BZW1: variants seen among roughly 807,000 people sequenced by gnomAD.
BZW1 encodes basic leucine zipper and W2 domains 1, also known as eIF5-mimic protein 2.
BZW1 carries 3 observed loss-of-function variants against 54.1 expected under a neutral mutation model. That is an observed-to-expected ratio of 0.06 (90% CI 0.03 to 0.14). The LOEUF is 0.14. BZW1 is among the 10% of genes least tolerant of loss of function. The probability of loss-of-function intolerance (pLI) is 1.00; values close to 1 mark genes in which losing one functional copy is unlikely to be tolerated. For synonymous variants in BZW1, 152 were observed against 162.7 expected (o/e 0.93, Z 0.50); for missense variants, 206 against 491.7 (o/e 0.42, Z 5.50).
chr2:200,821,993 C>CG lies in BZW1; in HGVS notation c.1229-151dup, dbSNP rs1255688709. Reference sequence around the variant, plus strand: ...CTGAAGTGGGAGGATCACTTGAACCCGGGAGGCAGAGGTTGCAGTGAGCCA... The same window carrying CG: ...CTGAAGTGGGAGGATCACTTGAACCCGGGGAGGCAGAGGTTGCAGTGAGCCA... On this transcript the variant is annotated intron_variant, in intron 11 of 11. Transcript: ENST00000409600. 2.6e-5 allele frequency among the ~76,000 whole-genome samples: 4 copies of CG among 152,072 alleles called. No individual in the cohort carries two copies. In the South Asian group the frequency reaches 6.2e-4, roughly 24 times the overall value.
intron 8 of BZW1, 32 bp downstream of exon 8, chr2:200,818,425 C>T (rs377260584): frequency 1.9e-5 from 30 of 1,587,932 alleles, no homozygotes; most frequent in Non-Finnish European, 2.6e-5. Context: ...CTTTTTATGG[C>T]TAAGCTTCTG....
At chr2:200,813,605 A>G (rs1375383158) in intron 2 of BZW1, among the ~76,000 whole-genome samples, 2 of 152,228 alleles carry the variant, frequency 1.3e-5, no homozygotes, top group Non-Finnish European at 2.9e-5. Flanking sequence ...TTAAATGAGC[A>G]AAAATGTTAA....
chr2:200,824,729 T>G lies in BZW1; in HGVS notation c.*2551T>G, dbSNP rs2038646380. On this transcript the variant is annotated 3_prime_UTR_variant, in exon 12 of 12. Transcript: ENST00000409600. ...GCTCTGTCACCAGGCTGGAGTGCAGTGGCGCGATCTTGGCTCACTGCAAGT... is the reference window on the plus strand; with the variant it reads ...GCTCTGTCACCAGGCTGGAGTGCAGGGGCGCGATCTTGGCTCACTGCAAGT... 1 of 148,700 alleles carries G rather than the reference T, an allele frequency of 6.7e-6. No individual in the cohort carries two copies. Among genetic ancestry groups the G allele is most frequent in the Admixed American group, 6.8e-5 (1 of 14,732 alleles). 9.2% of individuals were successfully genotyped at this position (148,700 alleles called of 1,614,324 possible).
Position 200,826,407 on chromosome 2 carries a change from A to AGATAGATAGATAGATATT in BZW1, c.*4229_*4230insGATAGATAGATAGATATT, listed in dbSNP as rs1559318394. ...TAGATAGATAGATAGATAGATAGATATTTTTTTTTTTTTTTTTTTTTTTTT... is the reference window on the plus strand; with the variant it reads ...TAGATAGATAGATAGATAGATAGATAGATAGATAGATAGATATTTTTTTTTTTTTTTTTTTTTTTTTTT... On this transcript the variant is annotated 3_prime_UTR_variant, in exon 12 of 12. Transcript: ENST00000409600. 11 of 54,938 alleles carry AGATAGATAGATAGATATT rather than the reference A, an allele frequency of 2.0e-4. No individual in the cohort carries two copies. The highest frequency in any genetic ancestry group is 2.3e-4 in the Admixed American group (1 of 4,278). 3.4% of individuals were successfully genotyped at this position (54,938 alleles called of 1,614,324 possible). A position where few individuals can be genotyped will look rare whatever the true frequency, so the allele number is the denominator to read the frequency against.
chr2:200,813,480 T>C, intron 2 of BZW1, 199 bp downstream of exon 2: 1 of 505,920 alleles, frequency 2.0e-6, no homozygotes, highest in East Asian at 3.3e-5. Flanking sequence ...ATTTTTAGTA[T>C]CAATATATCT....
At chr2:200,819,242 T>A (rs984903660) in intron 9 of BZW1, 1 of 223,028 alleles carries the variant, frequency 4.5e-6, no homozygotes, top group Non-Finnish European at 8.8e-6. Flanking sequence ...TCACAAAAAA[T>A]AGCCAGTCGT....
intron 7 of BZW1, 38 bp from the exon 8 acceptor site, chr2:200,818,185 A>G: frequency 6.6e-7 from 1 of 1,525,272 alleles, no homozygotes; most frequent in Non-Finnish European, 8.8e-7. Flanking sequence ...TCTTAATCTG[A>G]TTTAAAGAAA....
chr2:200,821,385 T>TC, intron 11 of BZW1, 80 bp downstream of exon 11: 1 of 1,539,096 alleles, frequency 6.5e-7, no homozygotes, highest in South Asian at 1.2e-5. Flanking sequence ...CATGCTTCCT[T>TC]CTTTCTGATG....
chr2:200,815,305 T>C lies in BZW1; in HGVS notation c.65-36T>C, dbSNP rs773042803. 26 of 1,556,280 alleles carry C rather than the reference T, an allele frequency of 1.7e-5. No homozygotes were observed. The South Asian group carries it at 2.9e-4, about 17-fold the overall frequency. On this transcript the variant is annotated intron_variant, in intron 2 of 11. Coordinates refer to ENST00000409600, the MANE Select transcript of BZW1 (RefSeq NM_001207067.2). ...GTTTTGTGGCATTTTGGTAAATCTT[T>C]TAAAACTAAATGTTTTGGGTCCCTT...
chr2:200,815,499 G>A lies in BZW1; in HGVS notation c.223G>A (p.Val75Met), dbSNP rs778581266. 3 of 1,613,952 alleles carry A rather than the reference G, an allele frequency of 1.9e-6. No individual in the cohort carries two copies. In the South Asian group the frequency reaches 3.3e-5, roughly 18 times the overall value. Residue 75 changes from valine to methionine, a missense_variant, in exon 3 of 12, where the codon GTG becomes ATG. Coordinates refer to ENST00000409600, the MANE Select transcript of BZW1 (RefSeq NM_001207067.2). ...RYAETLFDILVAGGMLAPGGT... is the reference protein window; with the variant it reads ...RYAETLFDILMAGGMLAPGGT... ...TGCAGAAACACTCTTTGACATTCTG[G>A]TGGCTGGTGGAATGCTGGGTAAGTG...
intron 2 of BZW1, among the ~76,000 whole-genome samples, chr2:200,815,031 T>A (rs933219208): frequency 3.3e-5 from 5 of 152,174 alleles, no homozygotes; most frequent in African/African-American, 1.2e-4. Flanking sequence ...AGGAATAAAA[T>A]GTACCTGTTA....
At chr2:200,817,002 C>G in intron 5 of BZW1, 104 bp from the exon 6 acceptor site, 2 of 1,360,838 alleles carry the variant, frequency 1.5e-6, no homozygotes, top group East Asian at 5.0e-5. Flanking sequence ...TGGTTAGATC[C>G]CAGAGCCCAC....
In BZW1 at chr2:200,815,263, A is replaced by G. The variant is rs1431595323; in HGVS notation, c.65-78A>G. On this transcript the variant is annotated intron_variant, in intron 2 of 11. Transcript: ENST00000409600. ...TTAATCTAACTTATTTAACAATTGC[A>G]TCTTCATAAGGTGATAGTTTTGTGG... The G allele has an allele frequency of 5.1e-6, 7 of 1,374,924 alleles. No homozygotes were observed. In the African/African-American group the frequency reaches 5.8e-5, roughly 11 times the overall value. 85.2% of individuals were successfully genotyped at this position (1,374,924 alleles called of 1,614,324 possible).
chr2:200,812,599 G>A, intron 1 of BZW1: 1 of 1,387,808 alleles, frequency 7.2e-7, no homozygotes, highest in Non-Finnish European at 9.5e-7. Flanking sequence ...CATGGGAAGG[G>A]TGTGGATTGG....
intron 4 of BZW1, 126 bp downstream of exon 4, chr2:200,815,887 C>G: frequency 2.1e-6 from 2 of 941,092 alleles, no homozygotes; most frequent in Non-Finnish European, 3.1e-6. Context: ...TTTAGGGATA[C>G]TGTTCTTGGT....
rs980209436 is a variant in BZW1, at chr2:200,823,131, T to G, written c.*953T>G. 6.1e-6 allele frequency: 1 copy of G among 163,966 alleles called. No individual in the cohort carries two copies. The highest frequency in any genetic ancestry group is 1.5e-5 in the Non-Finnish European group (1 of 67,330). 10.2% of individuals were successfully genotyped at this position (163,966 alleles called of 1,614,324 possible). The stretch of plus-strand genomic sequence containing the variant: ...TTGTTGAAAATGTTAAAGGTCAGCA[T>G]GTTCTAATTGGGAATCTAGATATAG... On this transcript the variant is annotated 3_prime_UTR_variant, in exon 12 of 12. Transcript: ENST00000409600.
chr2:200,813,492 T>G (rs2038166226), intron 2 of BZW1: 2 of 424,676 alleles, frequency 4.7e-6, no homozygotes, highest in Non-Finnish European at 8.4e-6. Context: ...AATATATCTC[T>G]AAGCCGGTTA....
chr2:200,819,910 G>T (rs2038445576), intron 9 of BZW1, 72 bp from the exon 10 acceptor site: 5 of 1,311,950 alleles, frequency 3.8e-6, no homozygotes, highest in Non-Finnish European at 5.1e-6. Context: ...TATATTGTCT[G>T]TATTGTAGGA....
intron 11 of BZW1, 66 bp from the exon 12 acceptor site, chr2:200,822,081 A>T: frequency 2.1e-6 from 3 of 1,451,486 alleles, no homozygotes; most frequent in Middle Eastern, 3.5e-4. Context: ...AGAAGCTTCA[A>T]AGTTATAAAT....
Sources: allele counts gnomAD v4.1 joint callset (sites outside exome capture counted in the v4.1 genomes callset), GRCh38; gene constraint gnomAD v4.1.1; transcripts MANE v1.5; gene names NCBI Gene and HGNC (gene_info 2026-07-23, HGNC 2026-07-21).